The following SEMA3A variants were observed in gnomAD, a reference collection of about 807,000 sequenced individuals.
SEMA3A encodes the protein semaphorin 3A.
Under a neutral mutation model 97.9 loss-of-function variants are expected in SEMA3A, and 29 were observed. The observed-to-expected ratio is 0.30, with a 90% CI of 0.22 to 0.40. The LOEUF is 0.40. Ranked by LOEUF, SEMA3A falls within the 10% of genes least tolerant of loss-of-function variation. SEMA3A has a pLI of 1.00. For missense variants in SEMA3A, 763 were observed against 951.3 expected (o/e 0.80, Z 2.60); for synonymous variants, 321 against 323.7 (o/e 0.99, Z 0.09).
intron 15 of SEMA3A, among the ~76,000 whole-genome samples, chr7:83,968,045 A>G (rs190994293): frequency 6.6e-6 from 1 of 152,322 alleles, no homozygotes; most frequent in East Asian, 1.9e-4. Context: ...AAACAGCCGT[A>G]CATATAAATG....
chr7:84,472,881 G>T (rs999450610), intron 1 of SEMA3A, among the ~76,000 whole-genome samples: 1 of 152,050 alleles, frequency 6.6e-6, no homozygotes, highest in Non-Finnish European at 1.5e-5. Context: ...TCCCAAAGTG[G>T]CAGATGATAT....
intron 6 of SEMA3A, among the ~76,000 whole-genome samples, chr7:84,015,402 G>C (rs559378291): frequency 6.6e-6 from 1 of 152,246 alleles, no homozygotes; most frequent in African/African-American, 2.4e-5. Flanking sequence ...GCAATATTTA[G>C]AGCTCCACTT....
chr7:84,060,571 AAAAG>A lies in SEMA3A; in HGVS notation c.454-17_454-14del, dbSNP rs763643049. The A allele has an allele frequency of 5.9e-6, 9 of 1,531,830 alleles. No individual in the cohort carries two copies. The African/African-American group carries it at 9.9e-5, about 17-fold the overall frequency. 94.9% of individuals were successfully genotyped at this position (1,531,830 alleles called of 1,614,324 possible). On this transcript the variant is annotated splice_polypyrimidine_tract_variant and intron_variant, in intron 4 of 16. Transcript: ENST00000265362. The stretch of plus-strand genomic sequence containing the variant: ...TAAAAATATTGTCCTGTGGATTTAA[AAAAG>A]AAAGAGAAAAGGGTTTCCTTTATAT...
At chr7:84,408,049 T>C (rs1179824999) in intron 1 of SEMA3A, among the ~76,000 whole-genome samples, 3 of 152,178 alleles carry the variant, frequency 2.0e-5, no homozygotes, top group Non-Finnish European at 4.4e-5. Context: ...AAATGGGATC[T>C]AATTAAACTA....
intron 6 of SEMA3A, among the ~76,000 whole-genome samples, chr7:84,029,626 G>A (rs115934178): frequency 0.01 from 1,572 of 152,118 alleles, 13 homozygotes; most frequent in Middle Eastern, 0.024. Flanking sequence ...ATCATCAACT[G>A]TCCTTTCATA....
intron 2 of SEMA3A, among the ~76,000 whole-genome samples, chr7:84,130,388 A>C (rs1795928869): frequency 6.6e-6 from 1 of 152,140 alleles, no homozygotes; most frequent in Non-Finnish European, 1.5e-5. Flanking sequence ...ATGACTTGAT[A>C]AATGCATTTC....
At chr7:84,426,534 T>C (rs572778998) in intron 1 of SEMA3A, among the ~76,000 whole-genome samples, 44 of 152,262 alleles carry the variant, frequency 2.9e-4, no homozygotes, top group African/African-American at 1.0e-3. Flanking sequence ...TCTGTTCTTC[T>C]GCCTTGAGGT....
intron 1 of SEMA3A, among the ~76,000 whole-genome samples, chr7:84,165,011 A>T (rs1196840256): frequency 6.6e-6 from 1 of 152,062 alleles, no homozygotes; most frequent in Non-Finnish European, 1.5e-5. Context: ...TGTTCAAGAC[A>T]ATCCTGAGCA....
At chr7:84,032,168 G>A (rs566924171) in intron 6 of SEMA3A, among the ~76,000 whole-genome samples, 1 of 152,274 alleles carries the variant, frequency 6.6e-6, no homozygotes, top group African/African-American at 2.4e-5. Flanking sequence ...TGGCAGTGCG[G>A]CTTGTCCTCC....
intron 3 of SEMA3A, among the ~76,000 whole-genome samples, chr7:84,211,307 G>C (rs1798618882): frequency 6.6e-6 from 1 of 152,010 alleles, no homozygotes; most frequent in Non-Finnish European, 1.5e-5. Context: ...GGATAAAGAA[G>C]TGGGATTTTA....
chr7:84,389,488 T>A (rs936685474), intron 1 of SEMA3A, among the ~76,000 whole-genome samples: 2 of 152,088 alleles, frequency 1.3e-5, no homozygotes, highest in Non-Finnish European at 2.9e-5. Context: ...CTCAACAGTA[T>A]ACACCTGGTT....
intron 1 of SEMA3A, among the ~76,000 whole-genome samples, chr7:84,372,876 T>A (rs1477921664): frequency 6.6e-6 from 1 of 152,152 alleles, no homozygotes; most frequent in Non-Finnish European, 1.5e-5. Flanking sequence ...AGTTTGCCAC[T>A]CTTCCCTCAA....
intron 5 of SEMA3A, among the ~76,000 whole-genome samples, chr7:84,055,013 C>CTCAGGGG (rs1337146120): frequency 1.3e-5 from 2 of 152,128 alleles, no homozygotes; most frequent in Admixed American, 6.5e-5. Context: ...AGTTAGGCTG[C>CTCAGGGG]TCAGGGGTCA....
chr7:84,194,608 T>G lies in SEMA3A; in HGVS notation c.-22A>C, dbSNP rs2116278634. 6.9e-7 allele frequency: 1 copy of G among 1,442,764 alleles called. No individual in the cohort carries two copies. The highest frequency in any genetic ancestry group is 2.3e-5 in the East Asian group (1 of 44,004). 89.4% of individuals were successfully genotyped at this position (1,442,764 alleles called of 1,614,324 possible). A position where few individuals can be genotyped will look rare whatever the true frequency, so the allele number is the denominator to read the frequency against. On this transcript the variant is annotated 5_prime_UTR_variant, in exon 1 of 17. Coordinates refer to ENST00000265362, the MANE Select transcript of SEMA3A (RefSeq NM_006080.3). ...CCATGCTGCAGACGCTGTAGGTCCC[T>G]TTGCTGCTTTAGTCTTCCTTCCTGT... is the stretch of plus-strand genomic sequence containing the variant.
In SEMA3A at chr7:84,167,500, G is replaced by A. The variant is rs142046880; in HGVS notation, c.112+26975C>T. 4.2e-3 allele frequency among the ~76,000 whole-genome samples: 634 copies of A among 152,194 alleles called. 5 individuals are homozygous for A. Among genetic ancestry groups the A allele is most frequent in the South Asian group, 0.024 (114 of 4,822 alleles). On this transcript the variant is annotated intron_variant, in intron 1 of 16. Coordinates refer to ENST00000265362, the MANE Select transcript of SEMA3A (RefSeq NM_006080.3). Reference sequence around the variant, plus strand: ...TGAAAAGATTAAATTGAATCTCTTAGGGATTTTGAATACTAGAGACACAGA... The same window carrying A: ...TGAAAAGATTAAATTGAATCTCTTAAGGATTTTGAATACTAGAGACACAGA...
intron 6 of SEMA3A, among the ~76,000 whole-genome samples, chr7:84,022,888 A>T (rs1241568169): frequency 6.6e-6 from 1 of 152,226 alleles, no homozygotes; most frequent in Non-Finnish European, 1.5e-5. Flanking sequence ...GAAGCTGAAC[A>T]AACAATCACA....
intron 3 of SEMA3A, among the ~76,000 whole-genome samples, chr7:84,282,510 T>C (rs1348758078): frequency 6.6e-6 from 1 of 152,200 alleles, no homozygotes; most frequent in Non-Finnish European, 1.5e-5. Context: ...AACATAATTG[T>C]CTTTCCTATC....
intron 3 of SEMA3A, among the ~76,000 whole-genome samples, chr7:84,260,538 G>C (rs1051196248): frequency 6.6e-6 from 1 of 152,166 alleles, no homozygotes; most frequent in Non-Finnish European, 1.5e-5. Flanking sequence ...GAAAGTGCCT[G>C]TTCCCACTGT....
At chr7:84,081,094 C>CAT (rs897978440) in intron 4 of SEMA3A, among the ~76,000 whole-genome samples, 6 of 151,686 alleles carry the variant, frequency 4.0e-5, no homozygotes, top group Non-Finnish European at 7.4e-5. Flanking sequence ...GCACATGATT[C>CAT]ATATATATAT....
Sources: gnomAD v4.1 joint callset for allele counts (sites outside exome capture counted in the v4.1 genomes callset) on GRCh38, gnomAD v4.1.1 for gene constraint, MANE v1.5 for transcripts, NCBI Gene and HGNC (gene_info 2026-07-23, HGNC 2026-07-21) for gene names.